Variants in RBFOX1 observed in about 807,000 individuals in gnomAD.
RBFOX1 encodes the protein RNA binding fox-1 homolog 1.
RBFOX1 carries 8 observed loss-of-function variants against 57.7 expected under a neutral mutation model. That is an observed-to-expected ratio of 0.14 (90% CI 0.08 to 0.25). The LOEUF (loss-of-function observed/expected upper bound fraction) is 0.25, where lower values mean the gene tolerates loss of function less well. RBFOX1 is among the 10% of genes least tolerant of loss of function. The probability of loss-of-function intolerance (pLI) is 1.00; values close to 1 mark genes in which losing one functional copy is unlikely to be tolerated. For synonymous variants in RBFOX1, 326 were observed against 222.4 expected (o/e 1.47, Z -4.15); for missense variants, 611 against 548.5 (o/e 1.11, Z -1.14).
At chr16:7,385,897 C>T (rs1283531508) in intron 4 of RBFOX1, among the ~76,000 whole-genome samples, 2 of 151,266 alleles carry the variant, frequency 1.3e-5, no homozygotes, top group Non-Finnish European at 2.9e-5. Context: ...GGATTACAGG[C>T]ACATGCCACC....
intron 3 of RBFOX1, among the ~76,000 whole-genome samples, chr16:5,670,852 A>AT (rs1457097881): frequency 1.3e-5 from 2 of 152,118 alleles, no homozygotes; most frequent in Non-Finnish European, 2.9e-5. Flanking sequence ...TCAATACATT[A>AT]TTTTTTTCAT....
At chr16:6,380,517 GA>G (rs1323750108) in intron 2 of RBFOX1, among the ~76,000 whole-genome samples, 2 of 143,764 alleles carry the variant, frequency 1.4e-5, no homozygotes, top group African/African-American at 5.1e-5. Flanking sequence ...TGGCAGCACA[GA>G]AAGGAAGGTG....
intron 4 of RBFOX1, among the ~76,000 whole-genome samples, chr16:7,409,009 T>G (rs2098392631): frequency 6.6e-6 from 1 of 152,188 alleles, no homozygotes; most frequent in East Asian, 1.9e-4. Context: ...CTTCCCCTAC[T>G]TTCTCCTGGG....
At chr16:6,531,292 C>T (rs923709683) in intron 2 of RBFOX1, among the ~76,000 whole-genome samples, 1 of 152,176 alleles carries the variant, frequency 6.6e-6, no homozygotes, top group East Asian at 1.9e-4. Context: ...TCAACCTCCC[C>T]TTGTTGCAGG....
chr16:7,222,715 A>C (rs1315964173), intron 4 of RBFOX1, among the ~76,000 whole-genome samples: 1 of 152,200 alleles, frequency 6.6e-6, no homozygotes, highest in African/African-American at 2.4e-5. Context: ...TACAGGTGTA[A>C]GCCAATGCCT....
intron 1 of RBFOX1, among the ~76,000 whole-genome samples, chr16:5,464,851 G>T (rs1413478991): frequency 1.3e-5 from 2 of 152,196 alleles, no homozygotes; most frequent in African/African-American, 4.8e-5. Context: ...GGGCTGGGGA[G>T]GCACAGGGTG....
At chr16:6,364,329 CTCT>C (rs2089182325) in intron 2 of RBFOX1, among the ~76,000 whole-genome samples, 1 of 152,210 alleles carries the variant, frequency 6.6e-6, no homozygotes, top group African/African-American at 2.4e-5. Context: ...CATTTTCCCT[CTCT>C]TCTTCCCTCA....
intron 1 of RBFOX1, among the ~76,000 whole-genome samples, chr16:5,450,373 A>C (rs2068385469): frequency 1.3e-5 from 2 of 152,118 alleles, no homozygotes; most frequent in African/African-American, 4.8e-5. Context: ...CAGGCTTATT[A>C]CTCATGGATT....
At chr16:7,040,955 C>T (rs1310206900) in intron 3 of RBFOX1, among the ~76,000 whole-genome samples, 3 of 151,446 alleles carry the variant, frequency 2.0e-5, no homozygotes, top group African/African-American at 7.3e-5. Flanking sequence ...TTGCTCTGTC[C>T]CCCAGGCTGG....
chr16:7,276,352 G>A (rs1295177967), intron 4 of RBFOX1, among the ~76,000 whole-genome samples: 2 of 152,274 alleles, frequency 1.3e-5, no homozygotes, highest in Admixed American at 6.5e-5. Flanking sequence ...AGCTAGGTTT[G>A]CTTGTGTCTT....
rs562671980 is a variant in RBFOX1, at chr16:6,638,635, CTAATT to C, written c.-63-15965_-63-15961del. On this transcript the variant is annotated intron_variant, in intron 2 of 15. Transcript: ENST00000550418. ...ACATAGATTGAACAAATTTTTTACACTAATTTATATAATGTTTAGCCCTTTAATGC... is the reference window on the plus strand; with the variant it reads ...ACATAGATTGAACAAATTTTTTACACTATATAATGTTTAGCCCTTTAATGC... 6.6e-5 allele frequency among the ~76,000 whole-genome samples: 10 copies of C among 152,238 alleles called. No individual in the cohort carries two copies. In the East Asian group the frequency reaches 1.9e-3, roughly 29 times the overall value.
intron 2 of RBFOX1, among the ~76,000 whole-genome samples, chr16:6,465,302 AAGG>A (rs2095021326): frequency 6.6e-6 from 1 of 152,078 alleles, no homozygotes. Context: ...TCATAGGGAG[AAGG>A]AGGGCACTCT....
intron 1 of RBFOX1, among the ~76,000 whole-genome samples, chr16:5,449,315 G>T (rs2068349961): frequency 6.6e-6 from 1 of 152,218 alleles, no homozygotes; most frequent in Non-Finnish European, 1.5e-5. Flanking sequence ...CCTCAGAGAA[G>T]TCTCCGCCAC....
intron 3 of RBFOX1, among the ~76,000 whole-genome samples, chr16:6,722,893 C>G (rs553491439): frequency 2.6e-5 from 4 of 152,266 alleles, no homozygotes; most frequent in Non-Finnish European, 5.9e-5. Context: ...GGTCTGGCCC[C>G]CCGTGGGGTA....
At chr16:6,060,585 C>T (rs945751752) in intron 1 of RBFOX1, among the ~76,000 whole-genome samples, 6 of 152,160 alleles carry the variant, frequency 3.9e-5, no homozygotes, top group African/African-American at 1.2e-4. Context: ...TCATGCTTTG[C>T]CTATGGTGTT....
At chr16:6,919,967 A>G (rs563159152) in intron 3 of RBFOX1, among the ~76,000 whole-genome samples, 1 of 151,878 alleles carries the variant, frequency 6.6e-6, no homozygotes, top group East Asian at 1.9e-4. Context: ...CCCAAAGTCC[A>G]TTACATCATT....
intron 1 of RBFOX1, among the ~76,000 whole-genome samples, chr16:5,346,105 C>T (rs527773888): frequency 4.6e-5 from 7 of 152,312 alleles, no homozygotes; most frequent in African/African-American, 1.4e-4. Flanking sequence ...GACAGACAAG[C>T]GCACAGAGAA....
At chr16:6,545,163 C>G (rs894208350) in intron 2 of RBFOX1, among the ~76,000 whole-genome samples, 1 of 152,122 alleles carries the variant, frequency 6.6e-6, no homozygotes, top group Non-Finnish European at 1.5e-5. Context: ...CCACTTTAAT[C>G]CAAACTACCC....
At chr16:5,923,835 C>A (rs576309447) in intron 4 of RBFOX1, among the ~76,000 whole-genome samples, 2 of 151,984 alleles carry the variant, frequency 1.3e-5, no homozygotes, top group Non-Finnish European at 2.9e-5. Flanking sequence ...GCCACCGTAC[C>A]TAGCCTCCAG....
Sources: gnomAD v4.1 joint callset for allele counts (sites outside exome capture counted in the v4.1 genomes callset) on GRCh38, gnomAD v4.1.1 for gene constraint, MANE v1.5 for transcripts, NCBI Gene and HGNC (gene_info 2026-07-23, HGNC 2026-07-21) for gene names.